NAALADL2: variants seen among roughly 807,000 people sequenced by gnomAD.
NAALADL2 encodes the protein N-acetylated alpha-linked acidic dipeptidase like 2, also known as inactive N-acetylated-alpha-linked acidic dipeptidase-like protein 2.
Under a neutral mutation model 87.2 loss-of-function variants are expected in NAALADL2, and 76 were observed. The observed-to-expected ratio is 0.87, with a 90% CI of 0.72 to 1.05. The LOEUF is 1.05. Ranked by LOEUF, NAALADL2 falls within the 50% of genes least tolerant of loss-of-function variation. NAALADL2 has a pLI of 0.00. For synonymous variants in NAALADL2, 354 were observed against 331.0 expected (o/e 1.07, Z -0.75); for missense variants, 1,089 against 945.8 (o/e 1.15, Z -1.99).
Position 175,132,086 on chromosome 3 carries a change from G to T in NAALADL2, c.545+34795G>T, listed in dbSNP as rs1163747165. ...GTAGGGGCGGCTGGCCAGGCGGGGG[G>T]CTGATTCCACCACCTCCCGCCCGGA... On this transcript the variant is annotated intron_variant, in intron 2 of 13. Transcript: ENST00000454872. Among the ~76,000 whole-genome samples, 6 of 137,654 alleles carry T rather than the reference G, an allele frequency of 4.4e-5. 1 individual carries two copies. Among genetic ancestry groups the T allele is most frequent in the Non-Finnish European group, 9.5e-5 (6 of 63,412 alleles). The allele number at this position is 137,654 out of a possible 152,430, so 90.3% of individuals were successfully genotyped here. A position where few individuals can be genotyped will look rare whatever the true frequency, so the allele number is the denominator to read the frequency against.
intron 1 of NAALADL2, among the ~76,000 whole-genome samples, chr3:175,069,384 T>G (rs1180201963): frequency 6.7e-6 from 1 of 149,880 alleles, no homozygotes; most frequent in East Asian, 1.9e-4. Flanking sequence ...AAGAAGACAT[T>G]TATGCAGCCA....
intron 1 of NAALADL2, among the ~76,000 whole-genome samples, chr3:174,973,162 A>G (rs945395614): frequency 6.6e-6 from 1 of 152,190 alleles, no homozygotes; most frequent in Admixed American, 6.5e-5. Context: ...TCTTTAGGGC[A>G]AAAATTATAG....
chr3:175,578,321 G>T (rs1440832246), intron 10 of NAALADL2, among the ~76,000 whole-genome samples: 1 of 151,954 alleles, frequency 6.6e-6, no homozygotes, highest in Non-Finnish European at 1.5e-5. Flanking sequence ...TACTGGGGAT[G>T]GTGGGGAGGG....
intron 1 of NAALADL2, among the ~76,000 whole-genome samples, chr3:174,974,981 C>A (rs1744184976): frequency 6.6e-6 from 1 of 152,126 alleles, no homozygotes; most frequent in African/African-American, 2.4e-5. Flanking sequence ...TGGGGAATTA[C>A]AGAAACTTTT....
chr3:175,546,180 A>G (rs1713279784), intron 9 of NAALADL2, among the ~76,000 whole-genome samples: 1 of 152,086 alleles, frequency 6.6e-6, no homozygotes, highest in Admixed American at 6.6e-5. Flanking sequence ...TGTTGGTTTA[A>G]AGTCTGTTTT....
chr3:174,501,802 A>G (rs1718914534), intron 1 of NAALADL2, among the ~76,000 whole-genome samples: 1 of 151,952 alleles, frequency 6.6e-6, no homozygotes, highest in African/African-American at 2.4e-5. Context: ...GCTCTCATTA[A>G]TCTGGCTAGA....
chr3:174,763,307 G>T (rs1713294150), intron 3 of NAALADL2, among the ~76,000 whole-genome samples: 1 of 151,756 alleles, frequency 6.6e-6, no homozygotes, highest in Admixed American at 6.6e-5. Context: ...CAAAAATGTT[G>T]GCCGGGCGCA....
intron 13 of NAALADL2, among the ~76,000 whole-genome samples, chr3:175,791,955 C>T (rs1188263470): frequency 6.7e-6 from 1 of 148,914 alleles, no homozygotes; most frequent in East Asian, 2.0e-4. Flanking sequence ...TTACTCACAA[C>T]TTGGAAATTC....
intron 5 of NAALADL2, among the ~76,000 whole-genome samples, chr3:175,394,211 G>A (rs1013044494): frequency 6.6e-6 from 1 of 152,084 alleles, no homozygotes; most frequent in Non-Finnish European, 1.5e-5. Context: ...CAGACCAAAT[G>A]AAATCAATGA....
chr3:175,043,762 C>G (rs1242247784), intron 1 of NAALADL2, among the ~76,000 whole-genome samples: 2 of 152,110 alleles, frequency 1.3e-5, no homozygotes, highest in Admixed American at 6.5e-5. Context: ...CAGTACCATA[C>G]TGTTTCAATT....
At chr3:175,435,616 G>A (rs1391553178) in intron 5 of NAALADL2, among the ~76,000 whole-genome samples, 1 of 151,962 alleles carries the variant, frequency 6.6e-6, no homozygotes, top group Non-Finnish European at 1.5e-5. Flanking sequence ...TTTGTTGGAG[G>A]GAAGAGAATG....
At chr3:174,696,446 T>C (rs1012658208) in intron 2 of NAALADL2, among the ~76,000 whole-genome samples, 6 of 151,958 alleles carry the variant, frequency 3.9e-5, no homozygotes, top group South Asian at 4.1e-4. Flanking sequence ...CTTGGCTGTT[T>C]AAGTAATTAT....
intron 3 of NAALADL2, among the ~76,000 whole-genome samples, chr3:174,751,683 A>T (rs964258520): frequency 5.6e-5 from 8 of 143,466 alleles, no homozygotes; most frequent in Admixed American, 6.9e-5. Context: ...AAAAAAAGTT[A>T]TTAATGGATT....
intron 11 of NAALADL2, among the ~76,000 whole-genome samples, chr3:175,659,548 A>G (rs930527867): frequency 1.3e-5 from 2 of 152,204 alleles, no homozygotes; most frequent in African/African-American, 2.4e-5. Flanking sequence ...GTATCACCAT[A>G]GAGCAAATAG....
chr3:174,705,966 C>A (rs1016365142), intron 2 of NAALADL2, among the ~76,000 whole-genome samples: 4 of 152,076 alleles, frequency 2.6e-5, no homozygotes, highest in Non-Finnish European at 2.9e-5. Context: ...TTACAATACT[C>A]CTCTTCCCAA....
At position 174,903,810 on chromosome 3, in the gene NAALADL2, T is replaced by G. The variant is rs1732589943; in HGVS notation, c.43+44360T>G. Among the ~76,000 whole-genome samples, 3 of 151,914 alleles carry G rather than the reference T, an allele frequency of 2.0e-5. No individual in the cohort carries two copies. The South Asian group carries it at 6.2e-4, about 32-fold the overall frequency. On this transcript the variant is annotated intron_variant, in intron 1 of 13. Transcript: ENST00000454872. ...GTAATGAGATTAAGTAGTGACTGAT[T>G]AAGAAAATTAAAACTTTTTCACAGT... is the stretch of plus-strand genomic sequence containing the variant.
At chr3:175,385,280 G>T (rs1427900226) in intron 5 of NAALADL2, among the ~76,000 whole-genome samples, 1 of 151,924 alleles carries the variant, frequency 6.6e-6, no homozygotes, top group East Asian at 1.9e-4. Context: ...CAATTTTCCT[G>T]GTAAGTTTGA....
At chr3:174,771,326 G>A (rs1158238451) in intron 3 of NAALADL2, among the ~76,000 whole-genome samples, 2 of 152,168 alleles carry the variant, frequency 1.3e-5, no homozygotes, top group African/African-American at 2.4e-5. Context: ...AAGGCTTCAA[G>A]CTAGAGGTGA....
intron 1 of NAALADL2, among the ~76,000 whole-genome samples, chr3:174,504,890 T>A (rs943667671): frequency 1.3e-5 from 2 of 152,126 alleles, no homozygotes; most frequent in African/African-American, 4.8e-5. Context: ...TGTTTTCTGT[T>A]TTTACAGTCA....
Sources: allele counts gnomAD v4.1 joint callset (sites outside exome capture counted in the v4.1 genomes callset), GRCh38; gene constraint gnomAD v4.1.1; transcripts MANE v1.5; gene names NCBI Gene and HGNC (gene_info 2026-07-23, HGNC 2026-07-21).